The following SPATA6L variants were observed in gnomAD, a reference collection of about 807,000 sequenced individuals.
The protein encoded by SPATA6L is spermatogenesis associated 6-like protein.
In SPATA6L, 68 loss-of-function variants were observed where a neutral mutation model predicts 49.2. That is an observed-to-expected ratio of 1.38 (90% CI 1.14 to 1.69). The LOEUF is 1.69. Ranked by LOEUF, SPATA6L falls within the 40% of genes most tolerant of loss-of-function variation. The probability of loss-of-function intolerance (pLI) is 0.00; values close to 1 mark genes in which losing one functional copy is unlikely to be tolerated. For synonymous variants in SPATA6L, 198 were observed against 165.7 expected (o/e 1.19, Z -1.50); for missense variants, 668 against 464.3 (o/e 1.44, Z -4.03).
intron 3 of SPATA6L, among the ~76,000 whole-genome samples, chr9:4,651,706 G>C (rs540174620): frequency 6.6e-6 from 1 of 152,156 alleles, no homozygotes; most frequent in African/African-American, 2.4e-5. Flanking sequence ...AAAATCACAT[G>C]ATCATCTCAA....
chr9:4,603,843 G>C (rs866573650), intron 11 of SPATA6L, among the ~76,000 whole-genome samples: 4 of 152,168 alleles, frequency 2.6e-5, no homozygotes, highest in Admixed American at 2.0e-4. Context: ...GAGTCAGGAA[G>C]ACATATTCCA....
chr9:4,607,930 A>G (rs1376893085), intron 9 of SPATA6L, among the ~76,000 whole-genome samples: 2 of 151,832 alleles, frequency 1.3e-5, no homozygotes, highest in East Asian at 1.9e-4. Flanking sequence ...CATAGGCTCA[A>G]AATAAAAGGA....
At chr9:4,589,146 C>T (rs539144293) in intron 13 of SPATA6L, among the ~76,000 whole-genome samples, 1 of 152,336 alleles carries the variant, frequency 6.6e-6, no homozygotes, top group African/African-American at 2.4e-5. Flanking sequence ...ACCTTGGTTT[C>T]CTCTTCCATG....
rs531793207 is a variant in SPATA6L at position 4,628,980 on chromosome 9, C to T, written c.429+111G>A. 232 of 704,790 alleles carry T rather than the reference C, an allele frequency of 3.3e-4. 1 individual carries two copies. The highest frequency in any genetic ancestry group is 3.2e-3 in the South Asian group (191 of 59,078). The allele number at this position is 704,790 out of a possible 1,614,324, so 43.7% of individuals were successfully genotyped here. ...AACCTAGTAAAAACTTTCCAGGTTT[C>T]TACTTGTTTAGTTTCATGTAAACTT... On this transcript the variant is annotated intron_variant, in intron 5 of 11. Coordinates refer to ENST00000682582, the MANE Select transcript of SPATA6L (RefSeq NM_001353486.2).
intron 7 of SPATA6L, among the ~76,000 whole-genome samples, chr9:4,620,705 T>C (rs1829086597): frequency 6.6e-6 from 1 of 152,196 alleles, no homozygotes; most frequent in Admixed American, 6.5e-5. Flanking sequence ...TTTACACACA[T>C]TGTAATCTCT....
chr9:4,622,381 T>A, intron 7 of SPATA6L, 27 bp downstream of exon 7: 1 of 1,390,564 alleles, frequency 7.2e-7, no homozygotes. Context: ...TAGGGAAATG[T>A]ACAGGAGTAA....
intron 6 of SPATA6L, among the ~76,000 whole-genome samples, chr9:4,623,446 T>C (rs1054973659): frequency 2.0e-5 from 3 of 151,500 alleles, no homozygotes; most frequent in African/African-American, 4.9e-5. Context: ...CAATATAGAG[T>C]TGCTGATTTG....
intron 4 of SPATA6L, among the ~76,000 whole-genome samples, chr9:4,631,309 A>T (rs960144525): frequency 6.6e-6 from 1 of 152,112 alleles, no homozygotes; most frequent in African/African-American, 2.4e-5. Context: ...AAATAAAAAT[A>T]ATTTTTAAAT....
At chr9:4,635,777 A>G (rs1832688066) in intron 3 of SPATA6L, among the ~76,000 whole-genome samples, 1 of 152,230 alleles carries the variant, frequency 6.6e-6, no homozygotes, top group South Asian at 2.1e-4. Context: ...ACAACTTTAC[A>G]GTTTAGACTG....
chr9:4,656,190 G>A (rs1838136336), intron 2 of SPATA6L, 101 bp from the exon 3 acceptor site: 2 of 975,894 alleles, frequency 2.0e-6, no homozygotes, highest in South Asian at 2.9e-5. Flanking sequence ...TGTAATCCTA[G>A]CACTTTGGGA....
At chr9:4,657,357 C>A (rs427558) in intron 2 of SPATA6L, among the ~76,000 whole-genome samples, 16,078 of 151,770 alleles carry the variant, frequency 0.11, 1,049 homozygotes, top group African/African-American at 0.18. Flanking sequence ...ATTGTGTCCC[C>A]CCAAAAATTC....
intron 1 of SPATA6L, 67 bp downstream of exon 1, chr9:4,666,145 G>C: frequency 6.6e-7 from 1 of 1,526,554 alleles, no homozygotes; most frequent in African/African-American, 1.4e-5. Context: ...GAGGGTTGTT[G>C]AAAACCACCT....
chr9:4,659,126 G>A (rs1838999417), intron 2 of SPATA6L, among the ~76,000 whole-genome samples: 1 of 152,106 alleles, frequency 6.6e-6, no homozygotes, highest in African/African-American at 2.4e-5. Flanking sequence ...CAAGGTAATA[G>A]CCATTTATTT....
intron 3 of SPATA6L, among the ~76,000 whole-genome samples, chr9:4,639,207 T>C (rs1028096901): frequency 6.6e-6 from 1 of 152,204 alleles, no homozygotes; most frequent in Non-Finnish European, 1.5e-5. Flanking sequence ...AGAACTGCTT[T>C]GGTTTCTGTA....
intron 1 of SPATA6L, chr9:4,665,335 T>C (rs1840701426): frequency 1.3e-5 from 2 of 153,440 alleles, no homozygotes; most frequent in South Asian, 2.1e-4. Context: ...TTCTCAAGAG[T>C]TCCTTCTTCC....
chr9:4,621,020 C>G (rs1268283621), intron 7 of SPATA6L, among the ~76,000 whole-genome samples: 1 of 152,226 alleles, frequency 6.6e-6, no homozygotes, highest in Non-Finnish European at 1.5e-5. Flanking sequence ...AGAACACTGG[C>G]TTAAGTTTCC....
Position 4,604,175 on chromosome 9 carries a change from G to T in SPATA6L, c.*1+4C>A. Reference sequence around the variant, plus strand: ...TTAAGCTGCTTACTTACATAAGACAGTACCTTAAAAATATCTCTGTTCATG... The same window carrying T: ...TTAAGCTGCTTACTTACATAAGACATTACCTTAAAAATATCTCTGTTCATG... On this transcript the variant is annotated splice_donor_region_variant and intron_variant, in intron 11 of 11. Transcript: ENST00000682582. 6.2e-7 allele frequency: 1 copy of T among 1,600,486 alleles called. No homozygotes were observed. Among genetic ancestry groups the T allele is most frequent in the Non-Finnish European group, 8.5e-7 (1 of 1,170,134 alleles).
intron 7 of SPATA6L, among the ~76,000 whole-genome samples, chr9:4,619,158 T>C (rs1828697835): frequency 6.9e-6 from 1 of 145,138 alleles, no homozygotes; most frequent in African/African-American, 2.5e-5. Flanking sequence ...GTTTTCTCTT[T>C]TTTTTTTTTT....
chr9:4,650,887 A>G (rs1836694518), intron 3 of SPATA6L, among the ~76,000 whole-genome samples: 1 of 151,244 alleles, frequency 6.6e-6, no homozygotes, highest in African/African-American at 2.4e-5. Flanking sequence ...TTTTTGATAG[A>G]GACACGGTTT....
Sources: gnomAD v4.1 joint callset for allele counts (sites outside exome capture counted in the v4.1 genomes callset) on GRCh38, gnomAD v4.1.1 for gene constraint, MANE v1.5 for transcripts, NCBI Gene and HGNC (gene_info 2026-07-23, HGNC 2026-07-21) for gene names.